Variants in VDAC1 observed in about 807,000 individuals in gnomAD.
VDAC1 encodes voltage dependent anion channel 1.
A neutral mutation model predicts 34.7 loss-of-function variants in VDAC1; 10 were observed. That is an observed-to-expected ratio of 0.29 (90% confidence interval 0.18 to 0.49). VDAC1 has a LOEUF of 0.49. VDAC1 is among the 20% of genes least tolerant of loss of function. The pLI is 0.99. For synonymous variants in VDAC1, 130 were observed against 136.0 expected (o/e 0.96, Z 0.30); for missense variants, 230 against 347.9 (o/e 0.66, Z 2.69).
At chr5:134,087,218 T>A in the VDAC1 span, among the ~76,000 whole-genome samples, 1 of 152,084 alleles carries the variant, frequency 6.6e-6, no homozygotes, top group Non-Finnish European at 1.5e-5. Context: ...CCTCCTCTGT[T>A]TGGCATAAAG....
chr5:134,058,562 G>A, the VDAC1 span, among the ~76,000 whole-genome samples: 2 of 152,116 alleles, frequency 1.3e-5, no homozygotes, highest in African/African-American at 4.8e-5. Flanking sequence ...TGATCCACCT[G>A]CCTTGGCCTC....
the VDAC1 span, among the ~76,000 whole-genome samples, chr5:134,106,883 C>A: frequency 7.2e-5 from 11 of 152,198 alleles, no homozygotes; most frequent in Non-Finnish European, 1.6e-4. Flanking sequence ...CCTTCCAGTT[C>A]CTGGTTTTAG....
chr5:134,006,148 T>A (rs1423183091), upstream of VDAC1, among the ~76,000 whole-genome samples: 1 of 151,898 alleles, frequency 6.6e-6, no homozygotes. Flanking sequence ...GAGGGGTGAC[T>A]GGGAATGTAA....
chr5:134,039,889 C>T, the VDAC1 span, among the ~76,000 whole-genome samples: 1 of 152,294 alleles, frequency 6.6e-6, no homozygotes, highest in Non-Finnish European at 1.5e-5. Context: ...TGTCTGCCCA[C>T]AGCCAAGTTT....
chr5:134,016,264 G>A, the VDAC1 span, among the ~76,000 whole-genome samples: 5 of 152,292 alleles, frequency 3.3e-5, no homozygotes, highest in African/African-American at 4.8e-5. Flanking sequence ...TACCTGTGAC[G>A]TTCTCTGAGA....
At chr5:134,073,031 G>A in the VDAC1 span, among the ~76,000 whole-genome samples, 13 of 152,170 alleles carry the variant, frequency 8.5e-5, no homozygotes, top group South Asian at 2.1e-4. Context: ...CCAAGAAAAG[G>A]ACAGTCCTGC....
At chr5:133,998,836 A>C (rs1044972611) in intron 1 of VDAC1, among the ~76,000 whole-genome samples, 4 of 152,206 alleles carry the variant, frequency 2.6e-5, no homozygotes, top group African/African-American at 7.2e-5. Flanking sequence ...CTTGTTCAAG[A>C]AGAGCCTGCC....
chr5:134,064,208 T>G, the VDAC1 span, among the ~76,000 whole-genome samples: 1 of 152,014 alleles, frequency 6.6e-6, no homozygotes. Context: ...CCACTGTAAT[T>G]TTGGGCAAGT....
At chr5:134,004,854 C>T (rs1173095602) in intron 1 of VDAC1, 41 bp downstream of exon 1, 1 of 151,418 alleles carries the variant, frequency 6.6e-6, no homozygotes, top group African/African-American at 2.4e-5. Context: ...GCGTCCAGGC[C>T]GGGCCAGGGT....
chr5:134,085,567 G>A, the VDAC1 span, among the ~76,000 whole-genome samples: 4 of 151,138 alleles, frequency 2.6e-5, no homozygotes, highest in South Asian at 8.4e-4. Flanking sequence ...CACCTCAGGG[G>A]TTTGCATGGG....
the VDAC1 span, among the ~76,000 whole-genome samples, chr5:134,058,449 G>A: frequency 6.6e-5 from 10 of 151,660 alleles, no homozygotes; most frequent in African/African-American, 2.4e-4. Flanking sequence ...AAGTAGCTGG[G>A]ACTACAGGCA....
chr5:133,989,312 TTAAC>T (rs1429000054), intron 5 of VDAC1: 1 of 152,058 alleles, frequency 6.6e-6, no homozygotes, highest in Non-Finnish European at 1.5e-5. Flanking sequence ...ATAGTGCCAT[TTAAC>T]TACACACTTA....
At chr5:134,054,532 G>T in the VDAC1 span, among the ~76,000 whole-genome samples, 3 of 124,312 alleles carry the variant, frequency 2.4e-5, no homozygotes, top group Admixed American at 3.1e-4. Flanking sequence ...GCCATCTTAT[G>T]TCACTGCAAC....
the VDAC1 span, among the ~76,000 whole-genome samples, chr5:134,092,955 A>G: frequency 1.3e-5 from 2 of 152,214 alleles, no homozygotes; most frequent in Admixed American, 6.5e-5. Flanking sequence ...AGCTTTGACC[A>G]AGGTTTGCCA....
the VDAC1 span, among the ~76,000 whole-genome samples, chr5:134,078,647 C>CTTTTTTTTTTTTTTT: frequency 1.7e-5 from 2 of 118,458 alleles, 1 homozygote; most frequent in East Asian, 5.6e-4. Flanking sequence ...CCTCAAGCAT[C>CTTTTTTTTTTTTTTT]TTTTTTTTTT....
At chr5:134,006,782 A>G (rs1753762829), upstream of VDAC1, among the ~76,000 whole-genome samples, 1 of 142,766 alleles carries the variant, frequency 7.0e-6, no homozygotes, top group African/African-American at 2.5e-5. Flanking sequence ...AACAACTTGG[A>G]AAGAGTTCTT....
At chr5:134,042,641 G>A in the VDAC1 span, among the ~76,000 whole-genome samples, 27 of 152,274 alleles carry the variant, frequency 1.8e-4, 1 homozygote, top group South Asian at 5.6e-3. Flanking sequence ...CTACAGGCAT[G>A]CACTACTGTG....
intron 8 of VDAC1, among the ~76,000 whole-genome samples, 197 bp downstream of exon 8, chr5:133,973,594 G>C (rs917033646): frequency 2.0e-5 from 3 of 152,152 alleles, no homozygotes; most frequent in Non-Finnish European, 4.4e-5. Context: ...CCTCCTGCTT[G>C]CTACATCTCA....
At chr5:134,074,753 A>C in the VDAC1 span, among the ~76,000 whole-genome samples, 1 of 152,084 alleles carries the variant, frequency 6.6e-6, no homozygotes, top group African/African-American at 2.4e-5. Context: ...AAACCTGAAG[A>C]ACAATGCTTA....
Sources: allele counts gnomAD v4.1 joint callset (sites outside exome capture counted in the v4.1 genomes callset), GRCh38; gene constraint gnomAD v4.1.1; transcripts MANE v1.5; gene names NCBI Gene and HGNC (gene_info 2026-07-23, HGNC 2026-07-21).